KIF23: variants seen among roughly 807,000 people sequenced by gnomAD.
KIF23 encodes the protein kinesin family member 23.
KIF23 carries 30 observed loss-of-function variants against 137.5 expected under a neutral mutation model. That is an observed-to-expected ratio of 0.22 (90% CI 0.16 to 0.30). The LOEUF is 0.30. Ranked by LOEUF, KIF23 falls within the 10% of genes least tolerant of loss-of-function variation. The pLI is 1.00. For missense variants in KIF23, 920 were observed against 1,194.3 expected (o/e 0.77, Z 3.38); for synonymous variants, 367 against 391.1 (o/e 0.94, Z 0.73).
chr15:69,424,578 C>T (rs923032468), intron 7 of KIF23, among the ~76,000 whole-genome samples: 1 of 152,178 alleles, frequency 6.6e-6, no homozygotes, highest in Non-Finnish European at 1.5e-5. Flanking sequence ...CAGCTCACTG[C>T]AGCCAACCTC....
intron 11 of KIF23, among the ~76,000 whole-genome samples, chr15:69,430,060 G>T (rs1199113622): frequency 1.3e-5 from 2 of 152,032 alleles, no homozygotes; most frequent in Non-Finnish European, 2.9e-5. Context: ...AGTGTTGTAG[G>T]TCAGAATTGG....
rs1426455053 is a variant in KIF23, at chr15:69,440,056, A to G, written c.1908A>G (p.Thr636=). The change falls in exon 17 of 24, where the codon ACA becomes ACG. Residue 636 remains threonine, a synonymous_variant. Coordinates refer to ENST00000679126, the MANE Select transcript of KIF23 (RefSeq NM_001367805.3). The part of the protein sequence containing the change: ...ARLQGMVTET[T]MKWEKECERR... ...TGCAAGGCATGGTGACAGAAACGAC[A>G]ATGAAGTGGGAGAAAGAATGTGTGA... is the stretch of plus-strand genomic sequence containing the variant. The G allele has an allele frequency of 6.2e-7, 1 of 1,613,512 alleles. No homozygotes were observed. Among genetic ancestry groups the G allele is most frequent in the African/African-American group, 1.3e-5 (1 of 74,900 alleles).
At position 69,440,857 on chromosome 15, in the gene KIF23, C is replaced by T; in HGVS notation, c.2199C>T (p.Ser733=). ...ATAGGCGCTCTAACTCTTGCAGCAGCATTTCTGTAGCTTCCTGTATTTCGG... is the reference window on the plus strand; with the variant it reads ...ATAGGCGCTCTAACTCTTGCAGCAGTATTTCTGTAGCTTCCTGTATTTCGG... The part of the protein sequence containing the change: ...QLHRRSNSCS[S]ISVASCISEW... The change falls in exon 19 of 24, where the codon AGC becomes AGT. Residue 733 remains serine (S), a synonymous_variant. Transcript: ENST00000679126. 1 of 1,614,164 alleles carries T rather than the reference C, an allele frequency of 6.2e-7. No homozygotes were observed. The highest frequency in any genetic ancestry group is 8.5e-7 in the Non-Finnish European group (1 of 1,180,050).
chr15:69,439,244 G>A (rs2140394052), intron 16 of KIF23, among the ~76,000 whole-genome samples: 1 of 152,142 alleles, frequency 6.6e-6, no homozygotes, highest in Middle Eastern at 3.4e-3. Flanking sequence ...CCCAAACAAG[G>A]GAGCTTTCTA....
In KIF23 at chr15:69,434,819, G is replaced by C; in HGVS notation, c.1115-664G>C. 3.1e-6 allele frequency: 3 copies of C among 962,668 alleles called. No individual in the cohort carries two copies. In the South Asian group the frequency reaches 4.3e-5, roughly 14 times the overall value. The allele number at this position is 962,668 out of a possible 1,614,324, so 59.6% of individuals were successfully genotyped here. A position where few individuals can be genotyped will look rare whatever the true frequency, so the allele number is the denominator to read the frequency against. ...CCTTCTTCTTGCACTCATCCTGCACGTCCCTGGCAGTAATGTCCAGGCACA... is the reference window on the plus strand; with the variant it reads ...CCTTCTTCTTGCACTCATCCTGCACCTCCCTGGCAGTAATGTCCAGGCACA... On this transcript the variant is annotated intron_variant, in intron 11 of 23. Transcript: ENST00000679126.
At chr15:69,447,066 C>A in intron 23 of KIF23, 125 bp downstream of exon 23, 2 of 897,668 alleles carry the variant, frequency 2.2e-6, no homozygotes, top group South Asian at 1.4e-5. Context: ...TGGTTTTCCC[C>A]TTGGACTATC....
At chr15:69,430,055 T>G (rs569384989) in intron 11 of KIF23, among the ~76,000 whole-genome samples, 25 of 152,234 alleles carry the variant, frequency 1.6e-4, no homozygotes, top group Non-Finnish European at 3.7e-4. Context: ...TTTTTAGTGT[T>G]GTAGGTCAGA....
Position 69,434,794 on chromosome 15 carries a change from C to T in KIF23, c.1115-689C>T, listed in dbSNP as rs564859201. On this transcript the variant is annotated intron_variant, in intron 11 of 23. Coordinates refer to ENST00000679126, the MANE Select transcript of KIF23 (RefSeq NM_001367805.3). ...CTCTTGGCCAGAGTCCAAGGCAGCCCCTTCTTCTTGCACTCATCCTGCACG... is the reference window on the plus strand; with the variant it reads ...CTCTTGGCCAGAGTCCAAGGCAGCCTCTTCTTCTTGCACTCATCCTGCACG... 5.5e-5 allele frequency: 57 copies of T among 1,043,842 alleles called. 1 individual carries two copies. The African/African-American group carries it at 6.8e-4, about 12-fold the overall frequency. The allele number at this position is 1,043,842 out of a possible 1,614,324, so 64.7% of individuals were successfully genotyped here.
At chr15:69,425,257 A>G (rs1332623875) in intron 7 of KIF23, 25 bp from the exon 8 acceptor site, 3 of 1,530,704 alleles carry the variant, frequency 2.0e-6, no homozygotes, top group African/African-American at 1.4e-5. Context: ...TAGAAACAGT[A>G]ACTTCTACCT....
At position 69,416,157 on chromosome 15, in the gene KIF23, A is replaced by C. The variant is rs2056900963; in HGVS notation, c.81+94A>C. 5 of 743,124 alleles carry C rather than the reference A, an allele frequency of 6.7e-6. No homozygotes were observed. The South Asian group carries it at 9.6e-5, about 14-fold the overall frequency. The allele number at this position is 743,124 out of a possible 1,614,324, so 46.0% of individuals were successfully genotyped here. The stretch of plus-strand genomic sequence containing the variant: ...GTGTATGCTTGGAAGGGAAAGAAGA[A>C]GACATGTGGAAGTATAATCAAAGAA... On this transcript the variant is annotated intron_variant, in intron 2 of 23. Coordinates refer to ENST00000679126, the MANE Select transcript of KIF23 (RefSeq NM_001367805.3).
At chr15:69,436,879 C>T (rs1308602231) in intron 15 of KIF23, among the ~76,000 whole-genome samples, 157 bp downstream of exon 15, 2 of 151,842 alleles carry the variant, frequency 1.3e-5, no homozygotes, top group Admixed American at 6.6e-5. Flanking sequence ...CTTAGTCTCC[C>T]GAGTAGCTGG....
At chr15:69,443,485 T>G (rs2057674808) in intron 19 of KIF23, 2 of 149,910 alleles carry the variant, frequency 1.3e-5, no homozygotes, top group Non-Finnish European at 3.0e-5. Context: ...ACCACAGGCA[T>G]GTGCTATCGC....
rs2056895216 is a variant in KIF23 at position 69,415,986 on chromosome 15, A to G, written c.12-8A>G. ...AAAAGTTATTATTATTTTTTAATCT[A>G]TGACCAGGAGAGCTAAGACACCCCG... On this transcript the variant is annotated splice_region_variant and splice_polypyrimidine_tract_variant and intron_variant, in intron 1 of 23. Transcript: ENST00000679126. 1 of 1,563,702 alleles carries G rather than the reference A, an allele frequency of 6.4e-7. No homozygotes were observed. The highest frequency in any genetic ancestry group is 8.6e-7 in the Non-Finnish European group (1 of 1,162,808).
rs562495622 is a variant in KIF23 at position 69,425,994 on chromosome 15, G to A, written c.777-76G>A. 1.5e-5 allele frequency: 9 copies of A among 598,048 alleles called. No individual in the cohort carries two copies. The South Asian group carries it at 1.7e-4, about 11-fold the overall frequency. 37.0% of individuals were successfully genotyped at this position (598,048 alleles called of 1,614,324 possible). ...AGAATAACATGTCATGTCACTTGGCGTTTTAGTCCTAGTCTTAAATGAAGA... is the reference window on the plus strand; with the variant it reads ...AGAATAACATGTCATGTCACTTGGCATTTTAGTCCTAGTCTTAAATGAAGA... On this transcript the variant is annotated intron_variant, in intron 8 of 23. Coordinates refer to ENST00000679126, the MANE Select transcript of KIF23 (RefSeq NM_001367805.3).
chr15:69,439,703 T>C (rs991520896), intron 16 of KIF23, among the ~76,000 whole-genome samples: 6 of 152,292 alleles, frequency 3.9e-5, no homozygotes, highest in African/African-American at 1.4e-4. Context: ...GTAAATGTCT[T>C]TGGGTGAGGA....
intron 6 of KIF23, 29 bp from the exon 7 acceptor site, chr15:69,423,130 C>A: frequency 7.2e-7 from 1 of 1,395,074 alleles, no homozygotes; most frequent in Non-Finnish European, 1.0e-6. Context: ...GGACTTATAA[C>A]GTATACAATT....
At chr15:69,447,049 A>T in intron 23 of KIF23, 108 bp downstream of exon 23, 1 of 1,110,780 alleles carries the variant, frequency 9.0e-7, no homozygotes, top group Non-Finnish European at 1.4e-6. Context: ...GAAGAAATAT[A>T]TGGTTTTGGT....
At chr15:69,447,511 A>G (rs2057766472) in intron 23 of KIF23, among the ~76,000 whole-genome samples, 1 of 152,190 alleles carries the variant, frequency 6.6e-6, no homozygotes, top group Non-Finnish European at 1.5e-5. Flanking sequence ...CATGTTATAT[A>G]CATATATGTA....
chr15:69,437,369 G>A (rs1229900550), intron 15 of KIF23, among the ~76,000 whole-genome samples: 1 of 151,552 alleles, frequency 6.6e-6, no homozygotes, highest in African/African-American at 2.4e-5. Flanking sequence ...GATATGTTGT[G>A]AAGATAAATA....
Sources: allele counts gnomAD v4.1 joint callset (sites outside exome capture counted in the v4.1 genomes callset), GRCh38; gene constraint gnomAD v4.1.1; transcripts MANE v1.5; gene names NCBI Gene and HGNC (gene_info 2026-07-23, HGNC 2026-07-21).